Variants in PTPRT observed in about 807,000 individuals in gnomAD.
PTPRT encodes the protein receptor-type tyrosine-protein phosphatase T.
In PTPRT, 56 loss-of-function variants were observed where a neutral mutation model predicts 176.8. The observed-to-expected ratio is 0.32, with a 90% CI of 0.26 to 0.40. The LOEUF is 0.40. Ranked by LOEUF, PTPRT falls within the 10% of genes least tolerant of loss-of-function variation. The pLI, the probability that PTPRT is intolerant of heterozygous loss-of-function variation, is 1.00. For missense variants in PTPRT, 1,540 were observed against 1,908.2 expected (o/e 0.81, Z 3.60); for synonymous variants, 783 against 739.0 (o/e 1.06, Z -0.96).
chr20:42,733,002 G>T (rs966988475), intron 6 of PTPRT, among the ~76,000 whole-genome samples: 1 of 152,152 alleles, frequency 6.6e-6, no homozygotes, highest in Admixed American at 6.5e-5. Context: ...ATGAATAAAT[G>T]GGAACACTGA....
intron 7 of PTPRT, among the ~76,000 whole-genome samples, chr20:42,628,693 A>G (rs1313215881): frequency 2.0e-5 from 3 of 152,200 alleles, no homozygotes; most frequent in Non-Finnish European, 4.4e-5. Context: ...TATGAATATT[A>G]TATGAGGTTT....
intron 16 of PTPRT, among the ~76,000 whole-genome samples, chr20:42,184,916 A>T (rs541455540): frequency 2.6e-5 from 4 of 151,658 alleles, no homozygotes; most frequent in Admixed American, 6.6e-5. Context: ...GATTACAGGC[A>T]TGAGTCACTG....
intron 8 of PTPRT, among the ~76,000 whole-genome samples, chr20:42,462,287 AAG>A (rs2145894444): frequency 6.6e-6 from 1 of 152,244 alleles, no homozygotes; most frequent in South Asian, 2.1e-4. Flanking sequence ...GGGCCAGGGA[AAG>A]ACAGTATTGC....
At chr20:43,108,871 A>G (rs1432136338) in intron 1 of PTPRT, among the ~76,000 whole-genome samples, 1 of 152,208 alleles carries the variant, frequency 6.6e-6, no homozygotes, top group Non-Finnish European at 1.5e-5. Flanking sequence ...AAAGGCTTCG[A>G]AAAGATGCAA....
At chr20:42,623,613 T>G (rs1187166271) in intron 7 of PTPRT, among the ~76,000 whole-genome samples, 4 of 152,192 alleles carry the variant, frequency 2.6e-5, no homozygotes, top group Non-Finnish European at 4.4e-5. Context: ...ATGGCATCAT[T>G]CTGCTAGGGC....
At chr20:42,519,750 A>G (rs529894508) in intron 7 of PTPRT, among the ~76,000 whole-genome samples, 2 of 152,232 alleles carry the variant, frequency 1.3e-5, no homozygotes, top group Admixed American at 1.3e-4. Flanking sequence ...GTCCAAACAT[A>G]GAATTCTTTA....
chr20:43,158,680 GA>G (rs1490549460), intron 1 of PTPRT, among the ~76,000 whole-genome samples: 5 of 152,294 alleles, frequency 3.3e-5, no homozygotes, highest in Admixed American at 3.3e-4. Flanking sequence ...AGCACTTCCT[GA>G]AACAATTCTA....
At chr20:42,333,710 G>T (rs371768679) in intron 11 of PTPRT, among the ~76,000 whole-genome samples, 1 of 152,016 alleles carries the variant, frequency 6.6e-6, no homozygotes, top group Admixed American at 6.6e-5. Context: ...ATGGAGTCTC[G>T]CTTTGTCACC....
intron 11 of PTPRT, among the ~76,000 whole-genome samples, chr20:42,336,160 G>A (rs7261566): frequency 0.2 from 30,716 of 151,884 alleles, 3,310 homozygotes; most frequent in Middle Eastern, 0.28. Context: ...TATACCATTT[G>A]GCTCTGAAGT....
intron 3 of PTPRT, among the ~76,000 whole-genome samples, chr20:42,787,020 G>C (rs1303445828): frequency 6.6e-6 from 1 of 152,138 alleles, no homozygotes; most frequent in Non-Finnish European, 1.5e-5. Flanking sequence ...AACACAGCTG[G>C]GTCCATTCAT....
intron 7 of PTPRT, among the ~76,000 whole-genome samples, chr20:42,635,197 G>A (rs762538136): frequency 3.3e-5 from 5 of 152,044 alleles, no homozygotes; most frequent in Non-Finnish European, 5.9e-5. Context: ...TGAATGGATG[G>A]ATGATAAACT....
intron 1 of PTPRT, among the ~76,000 whole-genome samples, chr20:43,087,374 T>A (rs2011639384): frequency 6.9e-6 from 1 of 145,528 alleles, no homozygotes; most frequent in Non-Finnish European, 1.5e-5. Context: ...TTTTTTTTTT[T>A]TTTTTTTTTT....
In PTPRT at chr20:42,714,657, C is replaced by G. The variant is rs1469468611; in HGVS notation, c.860-36498G>C. Among the ~76,000 whole-genome samples, 4 of 152,148 alleles carry G rather than the reference C, an allele frequency of 2.6e-5. No homozygotes were observed. The East Asian group carries it at 7.7e-4, about 29-fold the overall frequency. On this transcript the variant is annotated intron_variant, in intron 6 of 30. Transcript: ENST00000373187. ...ATTTTTTCCAGCACAGTATTTTGATCATTGATAGCGAAGAAATACAGAAGT... is the reference window on the plus strand; with the variant it reads ...ATTTTTTCCAGCACAGTATTTTGATGATTGATAGCGAAGAAATACAGAAGT...
intron 1 of PTPRT, among the ~76,000 whole-genome samples, chr20:43,085,318 A>G (rs1232154078): frequency 6.6e-6 from 1 of 152,196 alleles, no homozygotes; most frequent in African/African-American, 2.4e-5. Context: ...TATGGCATTC[A>G]AGTAGTTTTG....
chr20:42,451,251 G>C (rs1429870579), intron 8 of PTPRT, among the ~76,000 whole-genome samples: 1 of 152,072 alleles, frequency 6.6e-6, no homozygotes, highest in Non-Finnish European at 1.5e-5. Flanking sequence ...GGAGGGAAGG[G>C]ATGTGTCATG....
intron 9 of PTPRT, among the ~76,000 whole-genome samples, chr20:42,384,653 T>C (rs1333422123): frequency 6.6e-6 from 1 of 152,216 alleles, no homozygotes; most frequent in Non-Finnish European, 1.5e-5. Context: ...CACATGGTAA[T>C]TCTATTTTTA....
chr20:42,157,915 T>C lies in PTPRT; in HGVS notation c.2682+3437A>G, dbSNP rs117421139. On this transcript the variant is annotated intron_variant, in intron 17 of 30. Transcript: ENST00000373187. The stretch of plus-strand genomic sequence containing the variant: ...TACACTGTGAAGAAGCCCAGGCCAC[T>C]GAAGAGGCCATGTGTAGGTCTTCCA... Among the ~76,000 whole-genome samples, 15 of 152,318 alleles carry C rather than the reference T, an allele frequency of 9.8e-5. No homozygotes were observed. In the East Asian group the frequency reaches 2.9e-3, roughly 29 times the overall value.
At chr20:42,971,715 C>T (rs990796388) in intron 1 of PTPRT, among the ~76,000 whole-genome samples, 4 of 152,166 alleles carry the variant, frequency 2.6e-5, no homozygotes, top group Non-Finnish European at 5.9e-5. Context: ...TACCAGGCTC[C>T]GTTGCACAGG....
intron 2 of PTPRT, among the ~76,000 whole-genome samples, chr20:42,849,939 C>T (rs971804412): frequency 6.6e-6 from 1 of 152,172 alleles, no homozygotes; most frequent in African/African-American, 2.4e-5. Context: ...GCTACCTTGT[C>T]CCATTTCCTT....
Sources: gnomAD v4.1 joint callset for allele counts (sites outside exome capture counted in the v4.1 genomes callset) on GRCh38, gnomAD v4.1.1 for gene constraint, MANE v1.5 for transcripts, NCBI Gene and HGNC (gene_info 2026-07-23, HGNC 2026-07-21) for gene names.